PSMD8: variants seen among roughly 807,000 people sequenced by gnomAD.
The protein encoded by PSMD8 is 26S proteasome non-ATPase regulatory subunit 8.
In PSMD8, 30 loss-of-function variants were observed where a neutral mutation model predicts 40.0. The observed-to-expected ratio is 0.75, with a 90% CI of 0.56 to 1.02. The LOEUF (loss-of-function observed/expected upper bound fraction) is 1.02, where lower values mean the gene tolerates loss of function less well. PSMD8 is among the 50% of genes least tolerant of loss of function. PSMD8 has a pLI of 0.00. For synonymous variants in PSMD8, 208 were observed against 192.5 expected (o/e 1.08, Z -0.67); for missense variants, 461 against 463.9 (o/e 0.99, Z 0.06).
At chr19:38,381,234 A>C in intron 5 of PSMD8, 2 of 452,756 alleles carry the variant, frequency 4.4e-6, no homozygotes, top group Admixed American at 8.0e-5. Flanking sequence ...CGTGTGTCAA[A>C]CCTGAGCATG....
intron 4 of PSMD8, among the ~76,000 whole-genome samples, chr19:38,380,678 G>A (rs1420314925): frequency 1.4e-5 from 2 of 146,884 alleles, no homozygotes; most frequent in Non-Finnish European, 3.0e-5. Flanking sequence ...GAGGGAGGGA[G>A]GAAGAGGGGG....
Position 38,380,204 on chromosome 19 carries a change from T to C in PSMD8, c.703-695T>C, listed in dbSNP as rs903133613. On this transcript the variant is annotated intron_variant, in intron 4 of 6. Transcript: ENST00000215071. ...GGGAGGCTGAGGCAGGAGAATCACT[T>C]GAACCCAGGAGGTGGAGGTTGCAGT... Among the ~76,000 whole-genome samples, 4 of 152,148 alleles carry C rather than the reference T, an allele frequency of 2.6e-5. No individual in the cohort carries two copies. The East Asian group carries it at 7.7e-4, about 29-fold the overall frequency.
intron 4 of PSMD8, 148 bp downstream of exon 4, chr19:38,379,553 C>A (rs1970623487): frequency 1.1e-6 from 1 of 874,698 alleles, no homozygotes; most frequent in African/African-American, 1.7e-5. Flanking sequence ...ATACTGAGTC[C>A]CAGCTGTGTG....
intron 1 of PSMD8, 36 bp from the exon 2 acceptor site, chr19:38,376,124 T>C (rs1337562135): frequency 9.1e-6 from 14 of 1,537,606 alleles, no homozygotes; most frequent in Non-Finnish European, 1.2e-5. Flanking sequence ...TTGAATTCCC[T>C]TCTTTTCTTT....
intron 3 of PSMD8, among the ~76,000 whole-genome samples, chr19:38,377,572 C>G (rs994968529): frequency 6.6e-6 from 1 of 152,104 alleles, no homozygotes; most frequent in Admixed American, 6.5e-5. Context: ...TCTCGGCTCA[C>G]CACAACCTCT....
At chr19:38,381,093 T>C in intron 5 of PSMD8, 94 bp downstream of exon 5, 3 of 1,025,202 alleles carry the variant, frequency 2.9e-6, no homozygotes, top group South Asian at 3.3e-5. Flanking sequence ...CCATTGGTTG[T>C]CTGGGTAGGC....
chr19:38,375,142 A>C, intron 1 of PSMD8, 181 bp downstream of exon 1: 1 of 1,053,218 alleles, frequency 9.5e-7, no homozygotes, highest in Non-Finnish European at 1.3e-6. Context: ...GGAGGGCGTC[A>C]AGAAGCGAGA....
At position 38,382,082 on chromosome 19, in the gene PSMD8, T is replaced by TG. The variant is rs778148137; in HGVS notation, c.804-34dup. 6.7e-6 allele frequency: 10 copies of TG among 1,493,516 alleles called. No individual in the cohort carries two copies. In the African/African-American group the frequency reaches 1.2e-4, roughly 19 times the overall value. 92.5% of individuals were successfully genotyped at this position (1,493,516 alleles called of 1,614,324 possible). ...GGGACAGGTCCTGGGAGGTTGTTGA[T>TG]GCTCAGTAATGAGGAGCTTCTCATC... On this transcript the variant is annotated intron_variant, in intron 5 of 6. Transcript: ENST00000215071.
In PSMD8 at chr19:38,381,107, G is replaced by T. The variant is rs1343014771; in HGVS notation, c.803+108G>T. ...GCCATTGGTTGTCTGGGTAGGCTAG[G>T]TGTGTTTCTTATCCTCCTAGCACCT... On this transcript the variant is annotated intron_variant, in intron 5 of 6. Coordinates refer to ENST00000215071, the MANE Select transcript of PSMD8 (RefSeq NM_002812.5). 1.6e-5 allele frequency: 14 copies of T among 894,474 alleles called. No individual in the cohort carries two copies. In the Middle Eastern group the frequency reaches 8.9e-4, roughly 57 times the overall value. The allele number at this position is 894,474 out of a possible 1,614,324, so 55.4% of individuals were successfully genotyped here.
rs750368039 is a variant in PSMD8, at chr19:38,374,774, T to C, written c.173T>C (p.Leu58Pro). 3 of 1,568,576 alleles carry C rather than the reference T, an allele frequency of 1.9e-6. No individual in the cohort carries two copies. Among genetic ancestry groups the C allele is most frequent in the African/African-American group, 2.7e-5 (2 of 74,034 alleles). ...RRRCRKSGGL[L>P]AASRKMAAAA... ...CGCTGCCGTAAATCAGGCGGTCTGC[T>C]TGCCGCATCACGCAAGATGGCGGCC... Residue 58 changes from leucine to proline, a missense_variant, in exon 1 of 7, where the codon CTT becomes CCT. Coordinates refer to ENST00000215071, the MANE Select transcript of PSMD8 (RefSeq NM_002812.5).
Position 38,376,369 on chromosome 19 carries a change from G to A in PSMD8, c.451G>A (p.Gly151Arg). 4 of 1,552,374 alleles carry A rather than the reference G, an allele frequency of 2.6e-6. No individual in the cohort carries two copies. The highest frequency in any genetic ancestry group is 1.7e-4 in the Middle Eastern group (1 of 5,994). Residue 151 changes from glycine (G) to arginine (R), a missense_variant, in exon 3 of 7, where the codon GGG (glycine) becomes AGG (arginine). Physicochemically the swap from Gly to Arg is moderately radical, Grantham distance 125 (BLOSUM62 -2). Transcript: ENST00000215071. ...LILARDILEI[G>R]AQWSILRKDI... ...ACCCACAGGTGACATACTGGAGATC[G>A]GGGCCCAATGGAGCATCCTACGCAA...
chr19:38,377,740 C>T (rs1970609308), intron 3 of PSMD8, among the ~76,000 whole-genome samples: 1 of 150,562 alleles, frequency 6.6e-6, no homozygotes, highest in Non-Finnish European at 1.5e-5. Flanking sequence ...AGTGATTCTC[C>T]TGCCTCAGCC....
Position 38,379,417 on chromosome 19 carries a change from A to C in PSMD8, c.702+12A>C. The C allele has an allele frequency of 6.2e-7, 1 of 1,613,520 alleles. No individual in the cohort carries two copies. Among genetic ancestry groups the C allele is most frequent in the Non-Finnish European group, 8.5e-7 (1 of 1,179,594 alleles). Reference sequence around the variant, plus strand: ...TGTCCCTGGAGCAAGTGAGATGGCAAGGGGCAGGGGAGGACCTGGCCAAAG... The same window carrying C: ...TGTCCCTGGAGCAAGTGAGATGGCACGGGGCAGGGGAGGACCTGGCCAAAG... On this transcript the variant is annotated intron_variant, in intron 4 of 6. Coordinates refer to ENST00000215071, the MANE Select transcript of PSMD8 (RefSeq NM_002812.5).
rs1970622286 is a variant in PSMD8 at position 38,379,403 on chromosome 19, C to T, written c.700C>T (p.Gln234Ter). 6 of 1,613,850 alleles carry T rather than the reference C, an allele frequency of 3.7e-6. No homozygotes were observed. Among genetic ancestry groups the T allele is most frequent in the Non-Finnish European group, 5.1e-6 (6 of 1,179,830 alleles). Residue 234 changes from glutamine to a stop codon, truncating the protein, a stop_gained and splice_region_variant, in exon 4 of 7, where the codon CAA (glutamine) becomes TAA (stop). Transcript: ENST00000215071. LOFTEE classifies it high-confidence loss of function. ...CATCAAGCACCCAGTGTCCCTGGAG[C>T]AAGTGAGATGGCAAGGGGCAGGGGA... Reference protein sequence around the residue: ...VYIKHPVSLEQYLMEGSYNKV... With the variant: ...VYIKHPVSLE
intron 4 of PSMD8, 150 bp downstream of exon 4, chr19:38,379,555 A>G: frequency 1.1e-6 from 1 of 870,440 alleles, no homozygotes; most frequent in Non-Finnish European, 1.7e-6. Flanking sequence ...ACTGAGTCCC[A>G]GCTGTGTGCC....
chr19:38,379,528 T>G, intron 4 of PSMD8, 123 bp downstream of exon 4: 1 of 1,094,752 alleles, frequency 9.1e-7, no homozygotes, highest in South Asian at 1.5e-5. Flanking sequence ...ACCCATCCTC[T>G]TGTTTGTCCA....
chr19:38,379,218 C>T, intron 3 of PSMD8, 22 bp from the exon 4 acceptor site: 1 of 1,611,084 alleles, frequency 6.2e-7, no homozygotes, highest in Non-Finnish European at 8.5e-7. Flanking sequence ...CCTTAACCTG[C>T]TTCCCCATCC....
rs116744943 is a variant in PSMD8 at position 38,381,063 on chromosome 19, G to A, written c.803+64G>A. 1,931 of 1,284,842 alleles carry A rather than the reference G, an allele frequency of 1.5e-3. 29 individuals carry two copies. The African/African-American group carries it at 0.026, about 17-fold the overall frequency. 79.6% of individuals were successfully genotyped at this position (1,284,842 alleles called of 1,614,324 possible). On this transcript the variant is annotated intron_variant, in intron 5 of 6. Transcript: ENST00000215071. Reference sequence around the variant, plus strand: ...ACTTGGGCTTGAGTCGGACAGCTCCGAGTCTGAATCTCATTCCAGCCATTG... The same window carrying A: ...ACTTGGGCTTGAGTCGGACAGCTCCAAGTCTGAATCTCATTCCAGCCATTG...
intron 3 of PSMD8, 50 bp from the exon 4 acceptor site, chr19:38,379,190 G>C (rs763415723): frequency 6.3e-7 from 1 of 1,577,420 alleles, no homozygotes. Flanking sequence ...TAGAGGGCTC[G>C]CTAGGCCCTT....
Sources: gnomAD v4.1 joint callset for allele counts (sites outside exome capture counted in the v4.1 genomes callset) on GRCh38, gnomAD v4.1.1 for gene constraint, MANE v1.5 for transcripts, NCBI Gene and HGNC (gene_info 2026-07-23, HGNC 2026-07-21) for gene names.